The following DOCK3 variants were observed in gnomAD, a reference collection of about 807,000 sequenced individuals.
DOCK3 encodes the protein dedicator of cytokinesis 3.
DOCK3 carries 60 observed loss-of-function variants against 265.6 expected under a neutral mutation model. That is an observed-to-expected ratio of 0.23 (90% CI 0.18 to 0.28). The LOEUF (loss-of-function observed/expected upper bound fraction) is 0.28. Among genes scored for constraint, DOCK3 ranks in the 10% least tolerant of loss-of-function variants. The pLI, the probability that DOCK3 is intolerant of heterozygous loss-of-function variation, is 1.00. For synonymous variants in DOCK3, 881 were observed against 938.0 expected, an observed-to-expected ratio of 0.94 and a Z score of 1.11; for missense variants, 1,981 against 2,594.3, an observed-to-expected ratio of 0.76 and a Z score of 5.14.
At chr3:50,788,216 G>A in intron 2 of DOCK3, 2 of 757,566 alleles carry the variant, frequency 2.6e-6, no homozygotes, top group Non-Finnish European at 4.0e-6. Flanking sequence ...CTATCATCTT[G>A]TGCCATTCCT....
chr3:51,187,270 A>G (rs902250793), intron 12 of DOCK3, among the ~76,000 whole-genome samples: 26 of 152,282 alleles, frequency 1.7e-4, no homozygotes, highest in African/African-American at 4.1e-4. Context: ...TGACTGCCTC[A>G]CTGGATTTCA....
chr3:51,224,616 G>C (rs561361318), intron 14 of DOCK3, among the ~76,000 whole-genome samples: 3 of 152,252 alleles, frequency 2.0e-5, no homozygotes, highest in East Asian at 1.9e-4. Context: ...ATGTTTTGCT[G>C]TTGTTTCATT....
At chr3:50,838,033 G>T (rs951652197) in intron 2 of DOCK3, among the ~76,000 whole-genome samples, 2 of 152,214 alleles carry the variant, frequency 1.3e-5, no homozygotes, top group African/African-American at 4.8e-5. Flanking sequence ...GGCTCAAAAA[G>T]TTAAACTTTT....
chr3:50,676,523 A>G (rs1439753590), intron 1 of DOCK3, among the ~76,000 whole-genome samples: 1 of 152,114 alleles, frequency 6.6e-6, no homozygotes, highest in African/African-American at 2.4e-5. Flanking sequence ...GGGACATTTT[A>G]CCCCTTCTCT....
rs754240332 is a variant in DOCK3, at chr3:51,359,494, C to T, written c.4885-1017C>T. 3.3e-5 allele frequency among the ~76,000 whole-genome samples: 5 copies of T among 152,180 alleles called. No individual in the cohort carries two copies. Among genetic ancestry groups the T allele is most frequent in the Admixed American group, 1.3e-4 (2 of 15,284 alleles). ...TTAGTTAAGAACTTGGGCAGTATCG[C>T]TGAGTCTGGTGGGTATTCATTCCAC... On this transcript the variant is annotated intron_variant, in intron 46 of 52. Transcript: ENST00000266037. This position sits in a 1 kb window ranked among gnomAD's most constrained non-coding sequence, Gnocchi z 4.8.
intron 5 of DOCK3, among the ~76,000 whole-genome samples, chr3:50,966,248 C>T (rs2077028224): frequency 6.6e-6 from 1 of 152,110 alleles, no homozygotes; most frequent in Non-Finnish European, 1.5e-5. Context: ...GTTGTTTCCA[C>T]CCCTTGGCTA....
rs558852226 is a variant in DOCK3, at chr3:50,840,515, T to C, written c.122-1160T>C. On this transcript the variant is annotated intron_variant, in intron 2 of 52. Coordinates refer to ENST00000266037, the MANE Select transcript of DOCK3 (RefSeq NM_004947.5). ...TTTTGCTCCCTTGTCAAAGATCAGT[T>C]GATTGTATTTATGTGGGTCTATTTC... Among the ~76,000 whole-genome samples the C allele has an allele frequency of 1.5e-4, 23 of 152,334 alleles. No individual in the cohort carries two copies. In the South Asian group the frequency reaches 4.8e-3, roughly 32 times the overall value.
intron 8 of DOCK3, 132 bp downstream of exon 8, chr3:51,089,416 C>G (rs1338546788): frequency 9.1e-7 from 1 of 1,102,596 alleles, no homozygotes; most frequent in Non-Finnish European, 1.3e-6. Context: ...ATCTGAGGAG[C>G]TTTGACCTCT....
chr3:51,298,330 C>A (rs548010992), intron 27 of DOCK3, among the ~76,000 whole-genome samples: 2 of 152,186 alleles, frequency 1.3e-5, no homozygotes, highest in African/African-American at 4.8e-5. Context: ...AATTTGAGTT[C>A]TCTTTTTCTT....
At chr3:50,911,216 C>T (rs2049836699) in intron 4 of DOCK3, among the ~76,000 whole-genome samples, 1 of 152,032 alleles carries the variant, frequency 6.6e-6, no homozygotes, top group South Asian at 2.1e-4. Flanking sequence ...TGAGGTCTCG[C>T]TCCAAAAATC....
intron 2 of DOCK3, among the ~76,000 whole-genome samples, chr3:50,785,846 T>A (rs971703215): frequency 6.6e-6 from 1 of 152,228 alleles, no homozygotes; most frequent in Non-Finnish European, 1.5e-5. Flanking sequence ...AGGGAGTCCC[T>A]CTTTCTCTAT....
chr3:51,218,290 C>G (rs761492383), intron 14 of DOCK3, among the ~76,000 whole-genome samples: 2 of 151,934 alleles, frequency 1.3e-5, no homozygotes, highest in African/African-American at 4.8e-5. Context: ...AAAAATTAGC[C>G]GGGCATGGTG....
At chr3:51,210,623 C>T (rs2089450782) in intron 13 of DOCK3, among the ~76,000 whole-genome samples, 1 of 152,192 alleles carries the variant, frequency 6.6e-6, no homozygotes. Flanking sequence ...GAGTTTTCTA[C>T]TGCTGGACTC....
At position 51,253,314 on chromosome 3, in the gene DOCK3, C is replaced by G. The variant is rs566067600; in HGVS notation, c.2184+6507C>G. Among the ~76,000 whole-genome samples, 3 of 152,288 alleles carry G rather than the reference C, an allele frequency of 2.0e-5. No homozygotes were observed. The South Asian group carries it at 6.2e-4, about 32-fold the overall frequency. ...ATCAATGTTCATCAGGGATATTGGT[C>G]TAAAATTCTCTTTTTTTTGTTGTGT... On this transcript the variant is annotated intron_variant, in intron 22 of 52. Transcript: ENST00000266037.
intron 9 of DOCK3, among the ~76,000 whole-genome samples, chr3:51,095,492 C>A (rs73833982): frequency 6.6e-6 from 1 of 151,856 alleles, no homozygotes; most frequent in East Asian, 1.9e-4. Flanking sequence ...TCAACCACAG[C>A]CCTCCTTGGG....
intron 5 of DOCK3, among the ~76,000 whole-genome samples, chr3:51,016,638 T>C (rs1445129210): frequency 5.7e-5 from 1 of 17,496 alleles, no homozygotes; most frequent in Non-Finnish European, 9.0e-5. Flanking sequence ...ATATATATGA[T>C]ATATATTTAT....
At chr3:51,246,372 A>G (rs1276237885) in intron 21 of DOCK3, among the ~76,000 whole-genome samples, 1 of 151,782 alleles carries the variant, frequency 6.6e-6, no homozygotes, top group East Asian at 1.9e-4. Flanking sequence ...AGCTGGGACT[A>G]CAGGCACGCA....
chr3:51,327,881 C>T (rs2084251256), intron 32 of DOCK3, among the ~76,000 whole-genome samples: 1 of 151,966 alleles, frequency 6.6e-6, no homozygotes, highest in Non-Finnish European at 1.5e-5. Flanking sequence ...GGAGTTTCAC[C>T]ATGTTGGTCA....
chr3:50,769,846 C>A (rs962386681), intron 1 of DOCK3, among the ~76,000 whole-genome samples: 14 of 147,494 alleles, frequency 9.5e-5, no homozygotes, highest in Non-Finnish European at 1.8e-4. Context: ...TTAGCCAGAG[C>A]AATTAGGCAA....
Sources: gnomAD v4.1 joint callset for allele counts (sites outside exome capture counted in the v4.1 genomes callset) on GRCh38, gnomAD v4.1.1 for gene constraint, Gnocchi (gnomAD v3.1) non-coding constraint, MANE v1.5 for transcripts, NCBI Gene and HGNC (gene_info 2026-07-23, HGNC 2026-07-21) for gene names.